The following CDH11 variants were observed in gnomAD, a reference collection of about 807,000 sequenced individuals.
CDH11 encodes cadherin 11, also known as cadherin-11.
Under a neutral mutation model 67.8 loss-of-function variants are expected in CDH11, and 11 were observed. The ratio of observed to expected loss-of-function variants is 0.16; its 90% CI spans 0.10 to 0.27. CDH11 has a LOEUF of 0.27. CDH11 is among the 10% of genes least tolerant of loss of function. The pLI is 1.00. For missense variants in CDH11, 847 were observed against 1,031.2 expected (o/e 0.82, Z 2.45); for synonymous variants, 419 against 400.0 (o/e 1.05, Z -0.57).
intron 2 of CDH11, chr16:65,006,831 C>T (rs2073065442): frequency 6.6e-6 from 1 of 152,210 alleles, no homozygotes; most frequent in African/African-American, 2.4e-5. Flanking sequence ...ATGCTGTTCT[C>T]ATGATAGTAA....
intron 1 of CDH11, among the ~76,000 whole-genome samples, chr16:65,066,190 C>T (rs1328374330): frequency 6.6e-6 from 1 of 152,240 alleles, no homozygotes; most frequent in Non-Finnish European, 1.5e-5. Flanking sequence ...ACTTTTGCCT[C>T]TGAACTGAAT....
Position 64,947,806 on chromosome 16 carries a change from T to C in CDH11, c.2188A>G (p.Asn730Asp). Reference sequence around the variant, plus strand: ...TCATAAGGAGGAGCCGTGGGGTCATTGTCTGCCTCCTGTATTCTCGTGTTG... The same window carrying C: ...TCATAAGGAGGAGCCGTGGGGTCATCGTCTGCCTCCTGTATTCTCGTGTTG... Reference protein sequence around the residue: ...FINTRIQEADNDPTAPPYDSI... With the variant: ...FINTRIQEADDDPTAPPYDSI... Residue 730 changes from asparagine to aspartate, a missense_variant, in exon 13 of 13, where the codon AAT becomes GAT. Physicochemically the swap from Asn to Asp is conservative, Grantham distance 23. Coordinates refer to ENST00000268603, the MANE Select transcript of CDH11 (RefSeq NM_001797.4). 1 of 1,614,174 alleles carries C rather than the reference T, an allele frequency of 6.2e-7. No homozygotes were observed. Among genetic ancestry groups the C allele is most frequent in the Non-Finnish European group, 8.5e-7 (1 of 1,180,024 alleles).
At chr16:65,105,321 C>A (rs2075050161) in intron 1 of CDH11, among the ~76,000 whole-genome samples, 1 of 152,142 alleles carries the variant, frequency 6.6e-6, no homozygotes, top group African/African-American at 2.4e-5. Flanking sequence ...GGGAAATATT[C>A]CCAGCTGGGA....
chr16:64,946,247 T>C lies in CDH11; in HGVS notation c.*1356A>G, dbSNP rs1230724339. The C allele has an allele frequency of 1.9e-6, 2 of 1,048,646 alleles. No individual in the cohort carries two copies. The highest frequency in any genetic ancestry group is 2.3e-6 in the Non-Finnish European group (2 of 868,894). 65.0% of individuals were successfully genotyped at this position (1,048,646 alleles called of 1,614,324 possible). A position where few individuals can be genotyped will look rare whatever the true frequency, so the allele number is the denominator to read the frequency against. The stretch of plus-strand genomic sequence containing the variant: ...GAGGAAAAATAAGCAGTTTCAACTA[T>C]CAAGAGTCTTACAATAGCCTGGTAA... On this transcript the variant is annotated 3_prime_UTR_variant, in exon 13 of 13. Transcript: ENST00000268603.
intron 1 of CDH11, among the ~76,000 whole-genome samples, chr16:65,086,587 C>T (rs1003400554): frequency 7.9e-5 from 12 of 152,144 alleles, no homozygotes; most frequent in South Asian, 2.1e-4. Flanking sequence ...GAAAGCTCTC[C>T]GAAAACAGAA....
At chr16:64,951,303 C>G (rs907399285) in intron 11 of CDH11, among the ~76,000 whole-genome samples, 1 of 152,080 alleles carries the variant, frequency 6.6e-6, no homozygotes, top group African/African-American at 2.4e-5. Flanking sequence ...ATGATGTGGC[C>G]GGCTTGCCAG....
intron 1 of CDH11, among the ~76,000 whole-genome samples, chr16:65,065,246 A>T (rs1017112831): frequency 3.3e-5 from 5 of 152,190 alleles, no homozygotes; most frequent in Admixed American, 6.5e-5. Context: ...TCTCCACCTC[A>T]TGCCCCTCCC....
chr16:65,004,580 GC>G, intron 3 of CDH11, 61 bp downstream of exon 3: 1 of 1,511,488 alleles, frequency 6.6e-7, no homozygotes, highest in Non-Finnish European at 8.9e-7. Context: ...CTTCTTTCTG[GC>G]CACAGACGAC....
At position 65,004,834 on chromosome 16, in the gene CDH11, C is replaced by T. The variant is rs879176840; in HGVS notation, c.36G>A (p.Val12=). The T allele has an allele frequency of 1.9e-6, 3 of 1,570,884 alleles. No individual in the cohort carries two copies. Among genetic ancestry groups the T allele is most frequent in the Admixed American group, 1.9e-5 (1 of 53,148 alleles). The change falls in exon 3 of 13, where the codon GTG becomes GTA. Residue 12 remains valine, a synonymous_variant. Transcript: ENST00000268603. ...KENYCLQAAL[V]CLGMLCHSHA... ...GGCTGTGGCACAGCATGCCCAGGCA[C>T]ACCAGGGCGGCTTGTAAACAGTAGT...
chr16:65,040,142 T>C (rs1393105715), intron 2 of CDH11, among the ~76,000 whole-genome samples: 4 of 152,198 alleles, frequency 2.6e-5, no homozygotes, highest in African/African-American at 9.7e-5. Flanking sequence ...TTGAAGTCAG[T>C]GGGGCAATTT....
intron 1 of CDH11, chr16:65,119,085 G>GACC (rs2075285804): frequency 6.6e-6 from 1 of 152,204 alleles, no homozygotes; most frequent in Admixed American, 6.5e-5. Context: ...TTGTAAATCA[G>GACC]ACCACGAGGT....
intron 8 of CDH11, chr16:64,981,246 C>T (rs940938731): frequency 2.6e-5 from 4 of 152,082 alleles, no homozygotes; most frequent in African/African-American, 9.7e-5. Context: ...GCTGGAATTA[C>T]AGGTGCATGC....
intron 1 of CDH11, among the ~76,000 whole-genome samples, chr16:65,075,811 T>C (rs1377282443): frequency 2.0e-5 from 3 of 152,204 alleles, no homozygotes; most frequent in Admixed American, 2.0e-4. Flanking sequence ...CTCAGGGAAG[T>C]AGTTAAACCT....
At chr16:65,050,542 G>A (rs984132284) in intron 2 of CDH11, among the ~76,000 whole-genome samples, 1 of 152,306 alleles carries the variant, frequency 6.6e-6, no homozygotes, top group African/African-American at 2.4e-5. Flanking sequence ...TCATTGGTTA[G>A]TTTTGTTCTT....
chr16:64,954,872 G>A (rs2071463020), intron 11 of CDH11, among the ~76,000 whole-genome samples: 2 of 151,364 alleles, frequency 1.3e-5, no homozygotes. Flanking sequence ...GGGAGAACCA[G>A]GTGGGCAGAT....
chr16:65,037,674 G>T (rs1421822675), intron 2 of CDH11, among the ~76,000 whole-genome samples: 3 of 152,050 alleles, frequency 2.0e-5, no homozygotes, highest in African/African-American at 7.2e-5. Context: ...CTGTTTACTT[G>T]GCCCTTGGGA....
chr16:64,983,439 G>A (rs1157441096), intron 7 of CDH11, among the ~76,000 whole-genome samples: 1 of 152,148 alleles, frequency 6.6e-6, no homozygotes, highest in East Asian at 1.9e-4. Context: ...TGTTTGGAAA[G>A]AGTTTCATCT....
chr16:64,995,442 A>G (rs1042879023), intron 4 of CDH11, among the ~76,000 whole-genome samples: 1 of 152,168 alleles, frequency 6.6e-6, no homozygotes, highest in Non-Finnish European at 1.5e-5. Context: ...AAAGCCACAC[A>G]CCTACAGCCA....
chr16:64,957,925 T>C (rs1344777160), intron 11 of CDH11, among the ~76,000 whole-genome samples: 1 of 152,002 alleles, frequency 6.6e-6, no homozygotes, highest in African/African-American at 2.4e-5. Context: ...TAGAACATTT[T>C]TAGAAGTTTG....
Sources: gnomAD v4.1 joint callset for allele counts (sites outside exome capture counted in the v4.1 genomes callset) on GRCh38, gnomAD v4.1.1 for gene constraint, MANE v1.5 for transcripts, NCBI Gene and HGNC (gene_info 2026-07-23, HGNC 2026-07-21) for gene names.